The following PDE1C variants were observed in gnomAD, a reference collection of about 807,000 sequenced individuals.
The protein encoded by PDE1C is phosphodiesterase 1C.
A neutral mutation model predicts 93.1 loss-of-function variants in PDE1C; 62 were observed. The observed-to-expected ratio is 0.67, with a 90% confidence interval of 0.54 to 0.82. The LOEUF (loss-of-function observed/expected upper bound fraction) is 0.82. Ranked by LOEUF, PDE1C falls within the 40% of genes least tolerant of loss-of-function variation. The pLI is 0.00. For synonymous variants in PDE1C, 325 were observed against 310.1 expected (o/e 1.05, Z -0.50); for missense variants, 742 against 884.6 (o/e 0.84, Z 2.04).
chr7:32,277,039 G>C (rs1277727630), intron 1 of PDE1C, among the ~76,000 whole-genome samples: 1 of 152,108 alleles, frequency 6.6e-6, no homozygotes, highest in Non-Finnish European at 1.5e-5. Flanking sequence ...GATCGCTTGA[G>C]CCCAGGAGTT....
chr7:32,206,346 A>T (rs1328460164), intron 2 of PDE1C, among the ~76,000 whole-genome samples: 1 of 152,170 alleles, frequency 6.6e-6, no homozygotes, highest in South Asian at 2.1e-4. Context: ...GGTCAGGTGC[A>T]GTCAACCAGA....
intron 1 of PDE1C, among the ~76,000 whole-genome samples, chr7:32,229,330 GT>G (rs1411487286): frequency 6.6e-6 from 1 of 152,224 alleles, no homozygotes; most frequent in East Asian, 1.9e-4. Flanking sequence ...CACTGCACAA[GT>G]CTAGGGAGCA....
At chr7:32,157,911 T>C (rs1292430413) in intron 3 of PDE1C, among the ~76,000 whole-genome samples, 4 of 152,208 alleles carry the variant, frequency 2.6e-5, no homozygotes, top group African/African-American at 7.2e-5. Flanking sequence ...GCAAAAGCAT[T>C]TCTTAAATAC....
intron 2 of PDE1C, among the ~76,000 whole-genome samples, chr7:32,204,039 T>G (rs1338275460): frequency 6.6e-6 from 1 of 152,200 alleles, no homozygotes; most frequent in Non-Finnish European, 1.5e-5. Context: ...TTTTACTAAG[T>G]GCACTTAGAA....
the PDE1C span, among the ~76,000 whole-genome samples, chr7:31,741,655 T>TA: frequency 6.6e-6 from 1 of 152,242 alleles, no homozygotes; most frequent in Non-Finnish European, 1.5e-5. Flanking sequence ...GCCTATATTT[T>TA]ACCTGCCTGT....
At chr7:32,206,422 T>A (rs1310669702) in intron 2 of PDE1C, among the ~76,000 whole-genome samples, 2 of 151,998 alleles carry the variant, frequency 1.3e-5, no homozygotes, top group African/African-American at 4.8e-5. Context: ...AACAGACATG[T>A]CTAGAGAGGA....
chr7:32,121,256 TG>T (rs1799281727), intron 3 of PDE1C, among the ~76,000 whole-genome samples: 1 of 151,938 alleles, frequency 6.6e-6, no homozygotes, highest in Non-Finnish European at 1.5e-5. Context: ...TACAATTGAT[TG>T]GAATACCTGA....
chr7:32,365,616 C>A (rs916539493), intron 1 of PDE1C, among the ~76,000 whole-genome samples: 1 of 152,162 alleles, frequency 6.6e-6, no homozygotes, highest in Admixed American at 6.5e-5. Flanking sequence ...GCCCCATGGG[C>A]GGCTCCTGTG....
the PDE1C span, among the ~76,000 whole-genome samples, chr7:31,618,413 G>C: frequency 1.3e-5 from 2 of 152,156 alleles, no homozygotes; most frequent in Non-Finnish European, 2.9e-5. Flanking sequence ...TTGAAGAAGA[G>C]GCATCTGGCT....
chr7:32,336,044 G>A (rs1204129931), intron 1 of PDE1C, among the ~76,000 whole-genome samples: 2 of 152,138 alleles, frequency 1.3e-5, no homozygotes, highest in Non-Finnish European at 1.5e-5. Context: ...GAGATACTGG[G>A]AGTTAGGACT....
At chr7:32,020,054 C>T (rs1399690613) in intron 2 of PDE1C, among the ~76,000 whole-genome samples, 3 of 152,032 alleles carry the variant, frequency 2.0e-5, no homozygotes, top group Admixed American at 1.3e-4. Context: ...AGGGCAGACC[C>T]TATGGAACAT....
chr7:32,341,173 C>CTAT (rs796122014), intron 1 of PDE1C, among the ~76,000 whole-genome samples: 6 of 84,952 alleles, frequency 7.1e-5, no homozygotes, highest in African/African-American at 2.2e-4. Context: ...GAAATAAAGT[C>CTAT]TTTTTTTTTT....
chr7:32,014,273 T>C (rs1346879969), intron 2 of PDE1C, among the ~76,000 whole-genome samples: 1 of 145,908 alleles, frequency 6.9e-6, no homozygotes, highest in Non-Finnish European at 1.5e-5. Flanking sequence ...AAGAAGATAG[T>C]CTGAAAACAT....
chr7:31,791,313 T>G (rs1023284788), intron 16 of PDE1C, among the ~76,000 whole-genome samples: 1 of 152,108 alleles, frequency 6.6e-6, no homozygotes, highest in Non-Finnish European at 1.5e-5. Context: ...CATTAACACC[T>G]TCACCCATTT....
chr7:31,843,835 T>G (rs987741981), intron 9 of PDE1C, among the ~76,000 whole-genome samples: 8 of 151,852 alleles, frequency 5.3e-5, no homozygotes, highest in African/African-American at 1.9e-4. Context: ...TACTGCTAAA[T>G]GGTCAATTTA....
At chr7:31,964,587 C>T (rs1809592789) in intron 2 of PDE1C, among the ~76,000 whole-genome samples, 2 of 152,368 alleles carry the variant, frequency 1.3e-5, no homozygotes, top group East Asian at 1.9e-4. Context: ...ATGTCCCTGT[C>T]TGTCAGCTTT....
the PDE1C span, among the ~76,000 whole-genome samples, chr7:31,659,404 C>T: frequency 1.3e-5 from 2 of 152,178 alleles, no homozygotes; most frequent in Non-Finnish European, 2.9e-5. Context: ...AGCAGCAGCA[C>T]TCTGATTCCT....
chr7:32,397,332 C>A (rs941244442), intron 1 of PDE1C, among the ~76,000 whole-genome samples: 2 of 151,776 alleles, frequency 1.3e-5, no homozygotes, highest in Non-Finnish European at 2.9e-5. Context: ...ATATATTAAA[C>A]TTCATCCATA....
At chr7:31,911,596 A>G (rs985657787) in intron 2 of PDE1C, among the ~76,000 whole-genome samples, 6 of 152,148 alleles carry the variant, frequency 3.9e-5, no homozygotes, top group African/African-American at 1.4e-4. Flanking sequence ...TCTGCCCATC[A>G]CATGAGATGT....
Sources: gnomAD v4.1 joint callset for allele counts (sites outside exome capture counted in the v4.1 genomes callset) on GRCh38, gnomAD v4.1.1 for gene constraint, MANE v1.5 for transcripts, NCBI Gene and HGNC (gene_info 2026-07-23, HGNC 2026-07-21) for gene names.